The following SDK1 variants were observed in gnomAD, a reference collection of about 807,000 sequenced individuals.
The protein encoded by SDK1 is protein sidekick-1.
In SDK1, 157 loss-of-function variants were observed where a neutral mutation model predicts 245.5. The observed-to-expected ratio is 0.64, with a 90% CI of 0.56 to 0.73. SDK1 has a LOEUF of 0.73. SDK1 is among the 30% of genes least tolerant of loss of function. SDK1 has a pLI of 0.00. For synonymous variants in SDK1, 1,647 were observed against 1,278.5 expected, an observed-to-expected ratio of 1.29 and a Z score of -6.15; for missense variants, 3,583 against 3,002.3, an observed-to-expected ratio of 1.19 and a Z score of -4.52.
chr7:3,703,060 C>CAAAAAA (rs34926857), intron 4 of SDK1, among the ~76,000 whole-genome samples: 1 of 87,634 alleles, frequency 1.1e-5, no homozygotes. Context: ...GACTCTGTCT[C>CAAAAAA]AAAAAAAAAA....
rs915505003 is a variant in SDK1, at chr7:3,533,893, C to G, written c.299-85187C>G. ...TTTCATCTTCCATTTATTAAAAAAA[C>G]TGTTATTTTCTTGTAAAAACCCTTA... On this transcript the variant is annotated intron_variant, in intron 1 of 44. Transcript: ENST00000404826. 3.3e-5 allele frequency among the ~76,000 whole-genome samples: 5 copies of G among 151,878 alleles called. No homozygotes were observed. In the South Asian group the frequency reaches 1.0e-3, roughly 32 times the overall value.
intron 5 of SDK1, among the ~76,000 whole-genome samples, chr7:3,835,369 T>A (rs919341934): frequency 2.4e-4 from 36 of 152,206 alleles, no homozygotes; most frequent in African/African-American, 8.4e-4. Context: ...CTCATCAAAT[T>A]AATCATGCTG....
chr7:3,859,484 T>C (rs960951636), intron 5 of SDK1, among the ~76,000 whole-genome samples: 2 of 152,160 alleles, frequency 1.3e-5, no homozygotes, highest in African/African-American at 4.8e-5. Flanking sequence ...GTGCCCACTG[T>C]GGCTCATGAT....
At chr7:3,363,744 C>T (rs975299106) in intron 1 of SDK1, among the ~76,000 whole-genome samples, 3 of 152,204 alleles carry the variant, frequency 2.0e-5, no homozygotes, top group Non-Finnish European at 2.9e-5. Flanking sequence ...AATGCTGCTG[C>T]TGATTTGCCC....
At chr7:3,610,249 A>G (rs1038153894) in intron 1 of SDK1, among the ~76,000 whole-genome samples, 3 of 152,206 alleles carry the variant, frequency 2.0e-5, no homozygotes, top group African/African-American at 7.2e-5. Context: ...TCACCAGCAA[A>G]CAGATAAGCA....
At chr7:4,251,597 A>T (rs1583178490) in intron 44 of SDK1, among the ~76,000 whole-genome samples, 1 of 152,354 alleles carries the variant, frequency 6.6e-6, no homozygotes, top group East Asian at 1.9e-4. Flanking sequence ...TCTGCCAAGC[A>T]TGTACCAAAA....
chr7:3,933,167 G>C (rs917374300), intron 5 of SDK1, among the ~76,000 whole-genome samples: 18 of 129,932 alleles, frequency 1.4e-4, no homozygotes, highest in Non-Finnish European at 2.6e-4. Context: ...CTGGAGTACA[G>C]TGGCTTGATC....
chr7:4,054,721 A>T (rs746014062), intron 19 of SDK1, among the ~76,000 whole-genome samples: 4 of 152,180 alleles, frequency 2.6e-5, no homozygotes, highest in Non-Finnish European at 5.9e-5. Context: ...GAGGCAAAAC[A>T]TTCAGTCGTT....
chr7:3,834,922 G>A (rs933914885), intron 5 of SDK1, among the ~76,000 whole-genome samples: 11 of 152,040 alleles, frequency 7.2e-5, no homozygotes, highest in Admixed American at 5.9e-4. Flanking sequence ...TGTTCTTCCT[G>A]TAGCTCCTTT....
chr7:3,807,673 G>A (rs564311305), intron 4 of SDK1, among the ~76,000 whole-genome samples: 2 of 152,306 alleles, frequency 1.3e-5, no homozygotes, highest in Non-Finnish European at 2.9e-5. Flanking sequence ...TCCCTGGCAT[G>A]TTGTCTCACT....
chr7:3,563,609 A>G (rs1308137626), intron 1 of SDK1, among the ~76,000 whole-genome samples: 14 of 152,242 alleles, frequency 9.2e-5, no homozygotes, highest in Admixed American at 9.2e-4. Context: ...TGTAGCTGAA[A>G]TTTTTAACAC....
rs116803528 is a variant in SDK1, at chr7:3,347,170, T to A, written c.298+45286T>A. ...CAGACGTTAGCCGGTTAAGTGGAGTTGTACTTGATGCCACTTCTTCCAAGA... is the reference window on the plus strand; with the variant it reads ...CAGACGTTAGCCGGTTAAGTGGAGTAGTACTTGATGCCACTTCTTCCAAGA... On this transcript the variant is annotated intron_variant, in intron 1 of 44. Transcript: ENST00000404826. Among the ~76,000 whole-genome samples, 532 of 152,004 alleles carry A rather than the reference T, an allele frequency of 3.5e-3. 5 individuals are homozygous for A. The highest frequency in any genetic ancestry group is 0.012 in the African/African-American group (510 of 41,456).
intron 1 of SDK1, among the ~76,000 whole-genome samples, chr7:3,499,057 A>G (rs1024444104): frequency 6.6e-6 from 1 of 152,248 alleles, no homozygotes; most frequent in African/African-American, 2.4e-5. Flanking sequence ...GATGTTGCAT[A>G]TCACACTGTA....
intron 1 of SDK1, among the ~76,000 whole-genome samples, chr7:3,449,271 T>G (rs1407984107): frequency 6.6e-6 from 1 of 151,768 alleles, no homozygotes; most frequent in Non-Finnish European, 1.5e-5. Flanking sequence ...TTTGGGCTCA[T>G]CCTTTATGCC....
intron 5 of SDK1, among the ~76,000 whole-genome samples, chr7:3,881,644 CA>C (rs1291442509): frequency 6.6e-6 from 1 of 152,134 alleles, no homozygotes; most frequent in African/African-American, 2.4e-5. Flanking sequence ...ATTGCTGGGT[CA>C]AATGGTATTT....
chr7:4,100,443 G>A (rs547301451), intron 22 of SDK1, among the ~76,000 whole-genome samples: 1 of 152,302 alleles, frequency 6.6e-6, no homozygotes, highest in East Asian at 1.9e-4. Context: ...GCTAAGGCAG[G>A]CACCAGGCGC....
In SDK1 at chr7:3,789,742, G is replaced by A. The variant is rs540378299; in HGVS notation, c.714-31708G>A. Among the ~76,000 whole-genome samples the A allele has an allele frequency of 4.6e-5, 7 of 152,298 alleles. No homozygotes were observed. The South Asian group carries it at 8.3e-4, about 18-fold the overall frequency. On this transcript the variant is annotated intron_variant, in intron 4 of 44. Coordinates refer to ENST00000404826, the MANE Select transcript of SDK1 (RefSeq NM_152744.4). The stretch of plus-strand genomic sequence containing the variant: ...TGTGAGGTACGAGGGAAAAGGGATT[G>A]GAGAGGAGGCAGCAGGAGGCTGTAG...
chr7:3,511,877 C>A (rs1360607210), intron 1 of SDK1, among the ~76,000 whole-genome samples: 1 of 142,576 alleles, frequency 7.0e-6, no homozygotes, highest in Non-Finnish European at 1.5e-5. Flanking sequence ...TCGTATGTCT[C>A]CTGCCCCTGC....
chr7:3,966,152 C>T (rs932332698), intron 9 of SDK1, among the ~76,000 whole-genome samples: 2 of 151,964 alleles, frequency 1.3e-5, no homozygotes, highest in East Asian at 1.9e-4. Context: ...AGGGGGCCTG[C>T]GGCATCTGGC....
Sources: allele counts gnomAD v4.1 joint callset (sites outside exome capture counted in the v4.1 genomes callset), GRCh38; gene constraint gnomAD v4.1.1; transcripts MANE v1.5; gene names NCBI Gene and HGNC (gene_info 2026-07-23, HGNC 2026-07-21).